KLF8: variants seen among roughly 807,000 people sequenced by gnomAD.
The protein encoded by KLF8 is KLF transcription factor 8.
KLF8 carries 10 observed loss-of-function variants against 18.2 expected under a neutral mutation model. The ratio of observed to expected loss-of-function variants is 0.55; its 90% CI spans 0.34 to 0.93. KLF8 has a LOEUF of 0.93. KLF8 is among the 40% of genes least tolerant of loss of function. KLF8 has a pLI of 0.02. For missense variants in KLF8, 264 were observed against 277.9 expected (o/e 0.95, Z 0.36); for synonymous variants, 109 against 97.3 (o/e 1.12, Z -0.71).
the KLF8 span, among the ~76,000 whole-genome samples, chrX:56,127,522 C>G: frequency 1.8e-5 from 2 of 110,370 alleles, no homozygotes; most frequent in African/African-American, 6.6e-5. Context: ...TAATAATAAC[C>G]AGGCATGATG....
At chrX:56,233,843 G>C (rs1348421981) in intron 1 of KLF8, among the ~76,000 whole-genome samples, 6 of 111,672 alleles carry the variant, frequency 5.4e-5, no homozygotes, top group African/African-American at 2.0e-4. Context: ...AGTGAGGCCT[G>C]GAAGCAGCTG....
At chrX:56,099,940 T>A in the KLF8 span, among the ~76,000 whole-genome samples, 1 of 112,335 alleles carries the variant, frequency 8.9e-6, no homozygotes, top group East Asian at 2.8e-4. Flanking sequence ...CTGGCTAAGA[T>A]AATTGATAAA....
the KLF8 span, among the ~76,000 whole-genome samples, chrX:56,000,917 G>A: frequency 9.0e-6 from 1 of 111,600 alleles, no homozygotes; most frequent in Non-Finnish European, 1.9e-5. Context: ...AACCAGCTCT[G>A]TCTCACTTAA....
rs771756850 is a variant in KLF8, at chrX:56,284,422, C to T, written c.1008C>T (p.Cys336=). The T allele has an allele frequency of 1.7e-6, 2 of 1,207,752 alleles. No individual in the cohort carries two copies. The highest frequency in any genetic ancestry group is 3.6e-5 in the South Asian group (2 of 56,203). Residue 336 remains cysteine (C), a synonymous_variant, in exon 6 of 6, where the codon TGC becomes TGT. Transcript: ENST00000468660. ...RKHTGIKPFR[C]TDCNRSFSRS... ...ACACAGGCATCAAGCCTTTTCGGTG[C>T]ACAGACTGCAACCGCAGCTTTTCTC...
chrX:56,190,270 G>A, the KLF8 span, among the ~76,000 whole-genome samples: 1 of 110,737 alleles, frequency 9.0e-6, no homozygotes, highest in African/African-American at 3.3e-5. Context: ...GGTCCACTGA[G>A]CAAGAGTATA....
chrX:55,986,369 G>T, the KLF8 span, among the ~76,000 whole-genome samples: 1 of 112,038 alleles, frequency 8.9e-6, no homozygotes, highest in Admixed American at 9.5e-5. Flanking sequence ...TTTATCAAAG[G>T]TTTATTCTGC....
chrX:56,172,132 G>T, the KLF8 span, among the ~76,000 whole-genome samples: 2 of 109,098 alleles, frequency 1.8e-5, no homozygotes, highest in Admixed American at 9.9e-5. Flanking sequence ...TATACTTTAA[G>T]TTTTAGGGTA....
the KLF8 span, among the ~76,000 whole-genome samples, chrX:56,141,881 T>A: frequency 8.9e-6 from 1 of 111,987 alleles, no homozygotes; most frequent in Non-Finnish European, 1.9e-5. Flanking sequence ...CCAAAAGTTA[T>A]ATGAACAAAA....
chrX:56,174,274 A>G, the KLF8 span, among the ~76,000 whole-genome samples: 1 of 112,120 alleles, frequency 8.9e-6, no homozygotes, highest in Non-Finnish European at 1.9e-5. Flanking sequence ...CGTCCCATCA[A>G]TACCTAAATT....
the KLF8 span, among the ~76,000 whole-genome samples, chrX:56,164,213 T>G: frequency 9.8e-6 from 1 of 102,181 alleles, no homozygotes; most frequent in Non-Finnish European, 2.0e-5. Context: ...CAACTTTAAT[T>G]TTTAAGCACT....
the KLF8 span, among the ~76,000 whole-genome samples, chrX:55,985,927 CT>C: frequency 9.9e-5 from 11 of 110,704 alleles, no homozygotes; most frequent in Non-Finnish European, 1.9e-4. Context: ...ATTTGGCTCT[CT>C]GCTTGCGTGT....
chrX:56,229,886 G>T (rs907263599), upstream of KLF8, among the ~76,000 whole-genome samples: 1 of 111,954 alleles, frequency 8.9e-6, no homozygotes, highest in East Asian at 2.8e-4. Flanking sequence ...ATAGATGAAA[G>T]AACAGATGGG....
At chrX:55,938,930 A>G in the KLF8 span, among the ~76,000 whole-genome samples, 5 of 111,990 alleles carry the variant, frequency 4.5e-5, no homozygotes, top group Non-Finnish European at 9.4e-5. Flanking sequence ...ATAGTGTGTC[A>G]CTTTAACACC....
At chrX:56,073,266 C>G in the KLF8 span, among the ~76,000 whole-genome samples, 1 of 112,268 alleles carries the variant, frequency 8.9e-6, no homozygotes, top group Admixed American at 9.4e-5. Flanking sequence ...GGATTACAGG[C>G]GTGAGCCACT....
chrX:56,183,816 G>A, the KLF8 span, among the ~76,000 whole-genome samples: 106 of 111,808 alleles, frequency 9.5e-4, no homozygotes, highest in African/African-American at 3.4e-3. Context: ...AATATTTATT[G>A]TAAGTGAACG....
the KLF8 span, among the ~76,000 whole-genome samples, chrX:55,959,711 G>T: frequency 9.0e-6 from 1 of 111,546 alleles, no homozygotes; most frequent in South Asian, 3.8e-4. Flanking sequence ...GAATAAAAAT[G>T]AATGAAACCT....
the KLF8 span, among the ~76,000 whole-genome samples, chrX:56,076,284 TCCG>T: frequency 1.5e-5 from 1 of 68,234 alleles, no homozygotes; most frequent in Non-Finnish European, 2.7e-5. Context: ...ATGCTATCCC[TCCG>T]CCCTCCCCCC....
the KLF8 span, among the ~76,000 whole-genome samples, chrX:56,223,869 T>C: frequency 4.2e-3 from 477 of 112,369 alleles, 5 homozygotes; most frequent in African/African-American, 0.015. Context: ...TTTTTTGTTG[T>C]TGTTTTTTGT....
At chrX:56,064,000 T>TAC in the KLF8 span, among the ~76,000 whole-genome samples, 8 of 108,487 alleles carry the variant, frequency 7.4e-5, no homozygotes, top group Admixed American at 5.0e-4. Context: ...AATATATATA[T>TAC]ACACACACAC....
Sources: gnomAD v4.1 joint callset for allele counts (sites outside exome capture counted in the v4.1 genomes callset) on GRCh38, gnomAD v4.1.1 for gene constraint, MANE v1.5 for transcripts, NCBI Gene and HGNC (gene_info 2026-07-23, HGNC 2026-07-21) for gene names.